PRDM2: variants seen among roughly 807,000 people sequenced by gnomAD.
The protein encoded by PRDM2 is PR/SET domain 2, also known as PR domain zinc finger protein 2.
Under a neutral mutation model 130.0 loss-of-function variants are expected in PRDM2, and 30 were observed. The observed-to-expected ratio is 0.23, with a 90% CI of 0.17 to 0.31. The LOEUF (loss-of-function observed/expected upper bound fraction) is 0.31, where lower values mean the gene tolerates loss of function less well. Among genes scored for constraint, PRDM2 ranks in the 10% least tolerant of loss-of-function variants. PRDM2 has a pLI of 1.00. For missense variants in PRDM2, 2,011 were observed against 2,108.4 expected (o/e 0.95, Z 0.90); for synonymous variants, 871 against 782.4 (o/e 1.11, Z -1.89).
chr1:13,750,540 G>A (rs1401397393), intron 6 of PRDM2, among the ~76,000 whole-genome samples: 1 of 152,112 alleles, frequency 6.6e-6, no homozygotes, highest in Non-Finnish European at 1.5e-5. Context: ...CTCGATTTGG[G>A]AAAATGTTAA....
chr1:13,782,629 C>A lies in PRDM2; in HGVS notation c.4834C>A (p.His1612Asn). 1 of 1,614,146 alleles carries A rather than the reference C, an allele frequency of 6.2e-7. No homozygotes were observed. Among genetic ancestry groups the A allele is most frequent in the Non-Finnish European group, 8.5e-7 (1 of 1,180,032 alleles). Reference sequence around the variant, plus strand: ...TTCCAGCAAAACATCACGGAGCCTGCACGTGAGGGTACAGAAAAGCAAAGC... The same window carrying A: ...TTCCAGCAAAACATCACGGAGCCTGAACGTGAGGGTACAGAAAAGCAAAGC... The part of the protein sequence containing the change: ...QLSSKTSRSL[H>N]VRVQKSKAVL... The change falls in exon 8 of 10, where the codon CAC becomes AAC. Residue 1612 changes from histidine to asparagine, a missense_variant. Transcript: ENST00000311066.
In PRDM2 at chr1:13,782,401, G is replaced by A. The variant is rs756807841; in HGVS notation, c.4606G>A (p.Ala1536Thr). The A allele has an allele frequency of 2.5e-6, 4 of 1,613,736 alleles. No homozygotes were observed. In the African/African-American group the frequency reaches 4.0e-5, roughly 16 times the overall value. Residue 1536 changes from alanine (A) to threonine (T), a missense_variant, in exon 8 of 10, where the codon GCC becomes ACC. By Grantham distance (58) the Ala-to-Thr change is moderately conservative. Coordinates refer to ENST00000311066, the MANE Select transcript of PRDM2 (RefSeq NM_001393986.1). ...SMQTPLGKTR[A>T]RSSGPTQVPL... ...GCAGACTCCGTTGGGCAAGACCAGAGCCCGCAGCTCAGGCCCCACCCAAGT... is the reference window on the plus strand; with the variant it reads ...GCAGACTCCGTTGGGCAAGACCAGAACCCGCAGCTCAGGCCCCACCCAAGT...
intron 6 of PRDM2, among the ~76,000 whole-genome samples, chr1:13,752,481 C>G (rs936541178): frequency 6.6e-6 from 1 of 152,146 alleles, no homozygotes; most frequent in African/African-American, 2.4e-5. Context: ...ATGTGAACCA[C>G]AGAAAAATTA....
At chr1:13,729,988 C>T (rs1011820390) in intron 2 of PRDM2, among the ~76,000 whole-genome samples, 9 of 152,172 alleles carry the variant, frequency 5.9e-5, no homozygotes, top group East Asian at 1.9e-4. Flanking sequence ...TTCTTGAAGA[C>T]GACAAGAGCT....
At chr1:13,747,769 CAAAAAA>C (rs78988090) in intron 5 of PRDM2, among the ~76,000 whole-genome samples, 1 of 48,394 alleles carries the variant, frequency 2.1e-5, no homozygotes. Context: ...TCCCTCCCCG[CAAAAAA>C]AAAAAAAAAA....
intron 6 of PRDM2, among the ~76,000 whole-genome samples, chr1:13,764,160 GTC>G: frequency 6.6e-6 from 1 of 152,280 alleles, no homozygotes; most frequent in East Asian, 1.9e-4. Context: ...GGGCGTGGCT[GTC>G]TCTTCTGTTT....
At chr1:13,745,425 G>GTTTT (rs572467638) in intron 5 of PRDM2, among the ~76,000 whole-genome samples, 2 of 139,252 alleles carry the variant, frequency 1.4e-5, no homozygotes, top group African/African-American at 5.3e-5. Flanking sequence ...TAAGCTAATG[G>GTTTT]TTTTTTTTTT....
chr1:13,819,576 T>A (rs1308662325), intron 9 of PRDM2, among the ~76,000 whole-genome samples: 1 of 152,192 alleles, frequency 6.6e-6, no homozygotes, highest in Non-Finnish European at 1.5e-5. Context: ...TTTAAAAAAA[T>A]CTCTTTATAC....
intron 1 of PRDM2, among the ~76,000 whole-genome samples, 177 bp from the exon 2 acceptor site, chr1:13,715,364 A>G (rs770827453): frequency 1.4e-4 from 21 of 152,230 alleles, no homozygotes; most frequent in Non-Finnish European, 2.5e-4. Context: ...TAAGAAATCT[A>G]TTTTACTGGA....
At chr1:13,746,203 T>A (rs1643600034) in intron 5 of PRDM2, among the ~76,000 whole-genome samples, 2 of 152,106 alleles carry the variant, frequency 1.3e-5, no homozygotes, top group South Asian at 4.1e-4. Context: ...TTAATTTTTT[T>A]AATATTAAAA....
intron 5 of PRDM2, among the ~76,000 whole-genome samples, chr1:13,747,546 G>T (rs1442649422): frequency 6.6e-6 from 1 of 152,052 alleles, no homozygotes; most frequent in Admixed American, 6.5e-5. Flanking sequence ...GAAAAAGGCA[G>T]ATTTTAGCCT....
chr1:13,779,304 T>C lies in PRDM2; in HGVS notation c.1509T>C (p.Arg503=). 1.9e-6 allele frequency: 3 copies of C among 1,614,056 alleles called. No individual in the cohort carries two copies. Among genetic ancestry groups the C allele is most frequent in the Non-Finnish European group, 2.5e-6 (3 of 1,179,962 alleles). ...GTHTNMRRHQ[R]RVHERHLIPK... is the part of the protein sequence containing the mutation. The stretch of plus-strand genomic sequence containing the variant: ...ATACTAATATGAGACGGCATCAGCG[T>C]AGAGTTCACGAACGTCATCTGATTC... The change falls in exon 8 of 10, where the codon CGT becomes CGC. Residue 503 remains arginine (R), a synonymous_variant. Coordinates refer to ENST00000311066, the MANE Select transcript of PRDM2 (RefSeq NM_001393986.1). The surrounding 1 kb of genome is among the most constrained non-coding windows in gnomAD (Gnocchi z 4.9).
Position 13,781,090 on chromosome 1 carries a change from T to C in PRDM2, c.3295T>C (p.Ser1099Pro), listed in dbSNP as rs774728796. The C allele has an allele frequency of 8.7e-6, 14 of 1,613,802 alleles. No individual in the cohort carries two copies. The highest frequency in any genetic ancestry group is 1.1e-5 in the South Asian group (1 of 91,074). ...DNLEASLPMI[S>P]FKQEELENEG... The stretch of plus-strand genomic sequence containing the variant: ...TCTGGAGGCTTCTCTCCCCATGATA[T>C]CTTTCAAACAGGAGGAATTAGAGAA... Residue 1099 changes from serine (S) to proline (P), a missense_variant, in exon 8 of 10, where the codon TCT becomes CCT. Ser to Pro is a moderately conservative substitution (Grantham distance 74). Around this residue, in one of 5 missense-constraint regions of PRDM2, gnomAD observed 1,288 missense variants for 1,237.7 expected, o/e 1.04. Transcript: ENST00000311066. The surrounding 1 kb of genome is among the most constrained non-coding windows in gnomAD (Gnocchi z 6.1).
intron 8 of PRDM2, 58 bp from the exon 9 acceptor site, chr1:13,816,369 G>A: frequency 4.4e-6 from 7 of 1,600,210 alleles, no homozygotes; most frequent in Non-Finnish European, 6.0e-6. Flanking sequence ...CCCCAGCAAT[G>A]TCTAGGGCAC....
chr1:13,779,534 C>T lies in PRDM2; in HGVS notation c.1739C>T (p.Thr580Ile), dbSNP rs1397726584. The T allele has an allele frequency of 6.2e-7, 1 of 1,614,078 alleles. No homozygotes were observed. Among genetic ancestry groups the T allele is most frequent in the African/African-American group, 1.3e-5 (1 of 75,032 alleles). Residue 580 changes from threonine (T) to isoleucine (I), a missense_variant, in exon 8 of 10, where the codon ACT becomes ATT. Thr to Ile is a moderately conservative substitution (Grantham distance 89). This residue lies in a region of PRDM2 where 1,288 missense variants were observed against 1,237.7 expected (regional missense o/e 1.04). Coordinates refer to ENST00000311066, the MANE Select transcript of PRDM2 (RefSeq NM_001393986.1). This position sits in a 1 kb window ranked among gnomAD's most constrained non-coding sequence, Gnocchi z 4.9. ...GGTAAAATTCAAACTAATAACAACA[C>T]TAGTAACTGTGATGTGATTGAGATG... is the stretch of plus-strand genomic sequence containing the variant. ...IDGKIQTNNNTSNCDVIEMES... is the reference protein window; with the variant it reads ...IDGKIQTNNNISNCDVIEMES...
intron 8 of PRDM2, among the ~76,000 whole-genome samples, chr1:13,788,626 G>A (rs756116725): frequency 1.3e-5 from 2 of 152,194 alleles, no homozygotes; most frequent in Non-Finnish European, 2.9e-5. Context: ...TCTGGCATAC[G>A]ATATTCCTCC....
intron 7 of PRDM2, among the ~76,000 whole-genome samples, chr1:13,777,680 C>T (rs1644508558): frequency 9.0e-6 from 1 of 111,354 alleles, no homozygotes; most frequent in Non-Finnish European, 1.7e-5. Flanking sequence ...TTAGGTCTCT[C>T]CTCCACTGTC....
At chr1:13,766,026 T>G (rs1318796575) in intron 6 of PRDM2, among the ~76,000 whole-genome samples, 1 of 152,224 alleles carries the variant, frequency 6.6e-6, no homozygotes, top group African/African-American at 2.4e-5. Context: ...TTTGAAAAAT[T>G]TGAAAGGCTG....
At position 13,780,210 on chromosome 1, in the gene PRDM2, G is replaced by A. The variant is rs139735290; in HGVS notation, c.2415G>A (p.Met805Ile). Residue 805 changes from methionine (M) to isoleucine (I), a missense_variant, in exon 8 of 10, where the codon ATG (methionine) becomes ATA (isoleucine). Met to Ile is a conservative substitution (Grantham distance 10). Transcript: ENST00000311066. ...CTCCATGCTTTGATGAATATAAAAT[G>A]TCTAAAGAGTGGACAGCTAGTTCTG... is the stretch of plus-strand genomic sequence containing the variant. ...VSPPCFDEYK[M>I]SKEWTASSAF... 2.0e-4 allele frequency: 323 copies of A among 1,605,682 alleles called. 3 individuals carry two copies. The African/African-American group carries it at 3.8e-3, about 19-fold the overall frequency.
Sources: gnomAD v4.1 joint callset for allele counts (sites outside exome capture counted in the v4.1 genomes callset) on GRCh38, gnomAD v4.1.1 for gene constraint, gnomAD v4.1.1 regional missense constraint, Gnocchi (gnomAD v3.1) non-coding constraint, MANE v1.5 for transcripts, NCBI Gene and HGNC (gene_info 2026-07-23, HGNC 2026-07-21) for gene names.